TRIM24: variants seen among roughly 807,000 people sequenced by gnomAD.
TRIM24 encodes the protein tripartite motif containing 24, also known as transcription intermediary factor 1-alpha.
TRIM24 carries 29 observed loss-of-function variants against 123.9 expected under a neutral mutation model. The ratio of observed to expected loss-of-function variants is 0.23; its 90% confidence interval spans 0.17 to 0.32. The LOEUF (loss-of-function observed/expected upper bound fraction) is 0.32, where lower values mean the gene tolerates loss of function less well. Ranked by LOEUF, TRIM24 falls within the 10% of genes least tolerant of loss-of-function variation. The pLI is 1.00. For synonymous variants in TRIM24, 456 were observed against 461.1 expected (o/e 0.99, Z 0.14); for missense variants, 932 against 1,295.3 (o/e 0.72, Z 4.31).
At chr7:138,532,255 A>T (rs2116593424) in intron 6 of TRIM24, among the ~76,000 whole-genome samples, 1 of 152,042 alleles carries the variant, frequency 6.6e-6, no homozygotes, top group East Asian at 1.9e-4. Context: ...TTTTGTTGCC[A>T]TTGCTTTTGG....
At chr7:138,488,018 A>G (rs1378558750) in intron 1 of TRIM24, among the ~76,000 whole-genome samples, 2 of 152,052 alleles carry the variant, frequency 1.3e-5, no homozygotes, top group Non-Finnish European at 2.9e-5. Flanking sequence ...CCTCAATTTC[A>G]GAGACTGTTA....
Position 138,555,072 on chromosome 7 carries a change from A to G in TRIM24, c.1530+106A>G, listed in dbSNP as rs140965856. ...CATTTTCCATACTCTAAATATCTGC[A>G]TTTATAAAAATTTATCACATTAAGG... On this transcript the variant is annotated intron_variant, in intron 9 of 18. Transcript: ENST00000343526. 312 of 1,156,456 alleles carry G rather than the reference A, an allele frequency of 2.7e-4. 1 individual carries two copies. The African/African-American group carries it at 4.2e-3, about 16-fold the overall frequency. 71.6% of individuals were successfully genotyped at this position (1,156,456 alleles called of 1,614,324 possible).
chr7:138,497,900 C>T (rs1318818221), intron 1 of TRIM24, among the ~76,000 whole-genome samples: 1 of 152,098 alleles, frequency 6.6e-6, no homozygotes, highest in Non-Finnish European at 1.5e-5. Context: ...ACCATGTTGT[C>T]CATGCTGGTC....
chr7:138,548,405 CAG>C (rs1797143338), intron 7 of TRIM24, among the ~76,000 whole-genome samples: 1 of 149,282 alleles, frequency 6.7e-6, no homozygotes, highest in South Asian at 2.1e-4. Context: ...GCCTGGGTGA[CAG>C]AGTGAGAGTC....
intron 1 of TRIM24, among the ~76,000 whole-genome samples, chr7:138,489,022 C>G (rs1795719032): frequency 6.6e-6 from 1 of 152,156 alleles, no homozygotes; most frequent in Non-Finnish European, 1.5e-5. Flanking sequence ...CTGTATGAAT[C>G]TGGGTGCTCC....
chr7:138,465,946 A>T (rs6467774), intron 1 of TRIM24, among the ~76,000 whole-genome samples: 78,356 of 152,074 alleles, frequency 0.52, 21,750 homozygotes, highest in African/African-American at 0.68. Flanking sequence ...ACCCTCCAGC[A>T]GTTCTCTCCA....
chr7:138,477,049 C>T (rs959436273), intron 1 of TRIM24, among the ~76,000 whole-genome samples: 10 of 54,910 alleles, frequency 1.8e-4, no homozygotes, highest in Admixed American at 9.6e-4. Context: ...ATATGCTACC[C>T]TTTGTGTCTC....
chr7:138,584,115 CT>C, intron 18 of TRIM24, 116 bp downstream of exon 18: 1 of 1,165,824 alleles, frequency 8.6e-7, no homozygotes, highest in South Asian at 1.5e-5. Flanking sequence ...AAATTTCCAA[CT>C]TTTCAGATCA....
chr7:138,526,235 C>G (rs931459854), intron 5 of TRIM24, among the ~76,000 whole-genome samples: 2 of 152,148 alleles, frequency 1.3e-5, no homozygotes, highest in African/African-American at 4.8e-5. Context: ...TGGAACATAG[C>G]TGGGGGTGGA....
intron 1 of TRIM24, among the ~76,000 whole-genome samples, chr7:138,491,605 C>A (rs1013292021): frequency 1.3e-5 from 2 of 152,048 alleles, no homozygotes; most frequent in African/African-American, 4.8e-5. Flanking sequence ...TTTAGGCTGC[C>A]CACTCTTTAG....
At chr7:138,464,548 G>A (rs1795090533) in intron 1 of TRIM24, among the ~76,000 whole-genome samples, 1 of 151,822 alleles carries the variant, frequency 6.6e-6, no homozygotes, top group Non-Finnish European at 1.5e-5. Flanking sequence ...AAGTATTGAA[G>A]GATCTTTTAT....
At chr7:138,575,208 G>A (rs1327194539) in intron 12 of TRIM24, among the ~76,000 whole-genome samples, 1 of 152,136 alleles carries the variant, frequency 6.6e-6, no homozygotes. Flanking sequence ...GGATGGAGAA[G>A]TTATGGGCTA....
intron 6 of TRIM24, among the ~76,000 whole-genome samples, chr7:138,534,918 G>T (rs948227149): frequency 6.6e-6 from 1 of 152,084 alleles, no homozygotes; most frequent in African/African-American, 2.4e-5. Flanking sequence ...GTGCATATAT[G>T]TTTAGGTTAG....
chr7:138,557,467 CA>C (rs1797338445), intron 9 of TRIM24, among the ~76,000 whole-genome samples: 1 of 152,102 alleles, frequency 6.6e-6, no homozygotes, highest in South Asian at 2.1e-4. Context: ...ATGTTTTTAA[CA>C]AGGAGGGGTA....
chr7:138,584,365 C>T (rs1797968906), intron 18 of TRIM24, among the ~76,000 whole-genome samples: 1 of 152,196 alleles, frequency 6.6e-6, no homozygotes. Context: ...TTCATCTACA[C>T]ATCAGTCAGA....
In TRIM24 at chr7:138,504,863, T is replaced by C. The variant is rs1378407787; in HGVS notation, c.483+455T>C. ...TCCATCTCCTCCTCCTGGGTTTGAG[T>C]GCTTCTCTCATCTCAGCCTCATGAG... On this transcript the variant is annotated intron_variant, in intron 2 of 18. Coordinates refer to ENST00000343526, the MANE Select transcript of TRIM24 (RefSeq NM_015905.3). Among the ~76,000 whole-genome samples, 8 of 151,572 alleles carry C rather than the reference T, an allele frequency of 5.3e-5. No homozygotes were observed. The East Asian group carries it at 1.2e-3, about 22-fold the overall frequency.
intron 1 of TRIM24, 148 bp downstream of exon 1, chr7:138,461,060 G>C (rs1399243105): frequency 1.1e-5 from 10 of 872,044 alleles, no homozygotes; most frequent in Non-Finnish European, 1.8e-5. Context: ...GCTGGCGACG[G>C]TGACATGGAG....
Position 138,475,572 on chromosome 7 carries a change from A to G in TRIM24, c.364+14660A>G, listed in dbSNP as rs571775957. On this transcript the variant is annotated intron_variant, in intron 1 of 18. Coordinates refer to ENST00000343526, the MANE Select transcript of TRIM24 (RefSeq NM_015905.3). ...AGTCTTGCTCTCTCGCCCTGGCTAT[A>G]GTGCAGTGGTGTGATCTCACTGCAA... Among the ~76,000 whole-genome samples the G allele has an allele frequency of 2.4e-4, 36 of 152,282 alleles. No homozygotes were observed. In the South Asian group the frequency reaches 7.5e-3, roughly 32 times the overall value.
intron 16 of TRIM24, 94 bp from the exon 17 acceptor site, chr7:138,581,603 G>T: frequency 2.8e-6 from 3 of 1,060,926 alleles, no homozygotes; most frequent in Non-Finnish European, 4.0e-6. Context: ...TTTTTAGTCT[G>T]ACACTTTGGG....
Sources: gnomAD v4.1 joint callset for allele counts (sites outside exome capture counted in the v4.1 genomes callset) on GRCh38, gnomAD v4.1.1 for gene constraint, MANE v1.5 for transcripts, NCBI Gene and HGNC (gene_info 2026-07-23, HGNC 2026-07-21) for gene names.